COLEC12: variants seen among roughly 807,000 people sequenced by gnomAD.
COLEC12 encodes collectin subfamily member 12.
COLEC12 carries 33 observed loss-of-function variants against 71.1 expected under a neutral mutation model. The observed-to-expected ratio is 0.46, with a 90% confidence interval of 0.35 to 0.62. The LOEUF (loss-of-function observed/expected upper bound fraction) is 0.62, where lower values mean the gene tolerates loss of function less well. Ranked by LOEUF, COLEC12 falls within the 20% of genes least tolerant of loss-of-function variation. The pLI is 0.00. For synonymous variants in COLEC12, 350 were observed against 353.0 expected (o/e 0.99, Z 0.10); for missense variants, 765 against 916.1 (o/e 0.84, Z 2.13).
In COLEC12 at chr18:347,063, C is replaced by T. The variant is rs369710283; in HGVS notation, c.559G>A (p.Val187Met). ...YVTNLQQDTS[V>M]LQGNLQNQMY... ...TGGTTCTGCAGATTGCCCTGGAGCA[C>T]GCTGGTATCTTGCTGCAGATTCGTG... The change falls in exon 5 of 10, where the codon GTG becomes ATG. Residue 187 changes from valine (V) to methionine (M), a missense_variant. Coordinates refer to ENST00000400256, the MANE Select transcript of COLEC12 (RefSeq NM_130386.3). 7.0e-5 allele frequency: 113 copies of T among 1,614,014 alleles called. No individual in the cohort carries two copies. In the Admixed American group the frequency reaches 1.4e-3, roughly 21 times the overall value.
At chr18:395,006 A>G (rs954194985) in intron 2 of COLEC12, among the ~76,000 whole-genome samples, 1 of 152,254 alleles carries the variant, frequency 6.6e-6, no homozygotes, top group East Asian at 1.9e-4. Flanking sequence ...ATTAATGAGT[A>G]CAGTGATAGG....
At chr18:374,630 A>C (rs1915073871) in intron 2 of COLEC12, among the ~76,000 whole-genome samples, 1 of 152,232 alleles carries the variant, frequency 6.6e-6, no homozygotes, top group Non-Finnish European at 1.5e-5. Flanking sequence ...TGTATAGACT[A>C]GCAAGTTTTG....
chr18:476,877 G>C (rs983773978), intron 2 of COLEC12, among the ~76,000 whole-genome samples: 1 of 152,172 alleles, frequency 6.6e-6, no homozygotes, highest in East Asian at 1.9e-4. Context: ...TGCATACTGA[G>C]GCCAAGAAAC....
rs1567875898 is a variant in COLEC12 at position 335,026 on chromosome 18, CG to C, written c.1531del (p.Arg511ValfsTer135). Reference sequence around the variant, plus strand: ...AGGGCCGGGCTTCCCAGGGGAACCACGGGAGCCTTTGGGGCCCTGGGAGCCT... The same window carrying C: ...AGGGCCGGGCTTCCCAGGGGAACCACGGAGCCTTTGGGGCCCTGGGAGCCT... ...SKGSQGPKGS[R>X]GSPGKPGPQG... On this transcript the variant is annotated frameshift_variant, in exon 6 of 10. Transcript: ENST00000400256. LOFTEE classifies it high-confidence loss of function. The C allele has an allele frequency of 6.3e-7, 1 of 1,592,348 alleles. No individual in the cohort carries two copies. Among genetic ancestry groups the C allele is most frequent in the South Asian group, 1.1e-5 (1 of 88,356 alleles).
intron 8 of COLEC12, among the ~76,000 whole-genome samples, chr18:323,067 A>C (rs1913750907): frequency 6.6e-6 from 1 of 152,170 alleles, no homozygotes; most frequent in South Asian, 2.1e-4. Context: ...TCTACTAAAA[A>C]TACAAAAATT....
chr18:492,328 T>A (rs547057109), intron 1 of COLEC12, among the ~76,000 whole-genome samples: 1 of 152,332 alleles, frequency 6.6e-6, no homozygotes, highest in East Asian at 1.9e-4. Context: ...GGGTACCCTA[T>A]TCCTTCCTTT....
intron 2 of COLEC12, among the ~76,000 whole-genome samples, chr18:381,018 C>G (rs866996928): frequency 6.6e-6 from 1 of 151,992 alleles, no homozygotes; most frequent in African/African-American, 2.4e-5. Flanking sequence ...TTTTATGAAC[C>G]CTTTCCCAAA....
At chr18:469,672 C>T (rs1301027602) in intron 2 of COLEC12, among the ~76,000 whole-genome samples, 2 of 152,166 alleles carry the variant, frequency 1.3e-5, no homozygotes, top group Non-Finnish European at 2.9e-5. Context: ...TGGACTCCCC[C>T]GCCCCCAACT....
intron 1 of COLEC12, among the ~76,000 whole-genome samples, chr18:487,833 G>C (rs1315451177): frequency 1.3e-5 from 2 of 152,184 alleles, no homozygotes; most frequent in Admixed American, 6.5e-5. Context: ...TAAACTTAGA[G>C]TGATGGTCAC....
chr18:477,498 A>AGAC (rs376467036), intron 2 of COLEC12, among the ~76,000 whole-genome samples: 46 of 152,340 alleles, frequency 3.0e-4, no homozygotes, highest in African/African-American at 1.1e-3. Flanking sequence ...CAACTATAAA[A>AGAC]GGCTACAATG....
At chr18:423,435 C>CTTT (rs549742527) in intron 2 of COLEC12, among the ~76,000 whole-genome samples, 101 of 151,980 alleles carry the variant, frequency 6.6e-4, no homozygotes, top group African/African-American at 2.4e-3. Context: ...TCTTCTTCTT[C>CTTT]TTTTTTTTAA....
chr18:336,828 ATC>A (rs765039672), intron 5 of COLEC12, among the ~76,000 whole-genome samples: 6 of 151,858 alleles, frequency 4.0e-5, no homozygotes, highest in South Asian at 2.1e-4. Flanking sequence ...GCCACACTTA[ATC>A]TCTCTCTCTC....
chr18:423,559 G>C (rs1040356338), intron 2 of COLEC12, among the ~76,000 whole-genome samples: 1 of 152,072 alleles, frequency 6.6e-6, no homozygotes, highest in Non-Finnish European at 1.5e-5. Context: ...CCCAGTATCA[G>C]TGAATGCCTT....
chr18:381,160 A>T (rs2143561115), intron 2 of COLEC12, among the ~76,000 whole-genome samples: 1 of 152,296 alleles, frequency 6.6e-6, no homozygotes, highest in South Asian at 2.1e-4. Context: ...GCAGGTGAAG[A>T]AAAGTGCAGA....
chr18:344,638 T>C (rs1914331936), intron 5 of COLEC12, among the ~76,000 whole-genome samples: 1 of 152,238 alleles, frequency 6.6e-6, no homozygotes, highest in African/African-American at 2.4e-5. Flanking sequence ...AGGAACACAT[T>C]CCCTTCCCTG....
intron 3 of COLEC12, among the ~76,000 whole-genome samples, chr18:353,779 ACACTCCT>A (rs1914572353): frequency 6.6e-6 from 1 of 152,228 alleles, no homozygotes; most frequent in South Asian, 2.1e-4. Flanking sequence ...AACATTAGTT[ACACTCCT>A]CTGGAATTTA....
intron 2 of COLEC12, among the ~76,000 whole-genome samples, chr18:359,954 T>A (rs1914708329): frequency 6.6e-6 from 1 of 152,196 alleles, no homozygotes. Flanking sequence ...AGAAACAGCA[T>A]ATAACAATGA....
chr18:372,709 GCCC>G (rs1567888150), intron 2 of COLEC12, among the ~76,000 whole-genome samples: 1 of 152,148 alleles, frequency 6.6e-6, no homozygotes, highest in Non-Finnish European at 1.5e-5. Context: ...GAGCCACCAT[GCCC>G]GCCCAAAAGA....
chr18:352,491 G>GATTTTA (rs1914544050), intron 3 of COLEC12, among the ~76,000 whole-genome samples: 2 of 152,012 alleles, frequency 1.3e-5, no homozygotes, highest in South Asian at 4.2e-4. Context: ...ATACAAAAGG[G>GATTTTA]ATAAATACAT....
Sources: allele counts gnomAD v4.1 joint callset (sites outside exome capture counted in the v4.1 genomes callset), GRCh38; gene constraint gnomAD v4.1.1; transcripts MANE v1.5; gene names NCBI Gene and HGNC (gene_info 2026-07-23, HGNC 2026-07-21).